RB1: variants seen among roughly 807,000 people sequenced by gnomAD.
RB1 encodes the protein RB transcriptional corepressor 1.
In RB1, 18 loss-of-function variants were observed where a neutral mutation model predicts 135.4. The ratio of observed to expected loss-of-function variants is 0.13; its 90% CI spans 0.09 to 0.20. The LOEUF is 0.20. Ranked by LOEUF, RB1 falls within the 10% of genes least tolerant of loss-of-function variation. The pLI, the probability that RB1 is intolerant of heterozygous loss-of-function variation, is 1.00. For synonymous variants in RB1, 365 were observed against 373.2 expected (o/e 0.98, Z 0.25); for missense variants, 868 against 1,110.0 (o/e 0.78, Z 3.10).
rs1952601863 is a variant in RB1, at chr13:48,357,341, A to G, written c.608-2676A>G. Among the ~76,000 whole-genome samples, 12 of 151,386 alleles carry G rather than the reference A, an allele frequency of 7.9e-5. No individual in the cohort carries two copies. The South Asian group carries it at 2.3e-3, about 29-fold the overall frequency. On this transcript the variant is annotated intron_variant, in intron 6 of 26. Coordinates refer to ENST00000267163, the MANE Select transcript of RB1 (RefSeq NM_000321.3). The stretch of plus-strand genomic sequence containing the variant: ...TATCTCAAGCATTTTTTCCATTTTG[A>G]GCTAAACTATTTTTGTAATGGTGTT...
In RB1 at chr13:48,465,604, C is replaced by T. The variant is rs957654820; in HGVS notation, c.2489+236C>T. ...TCCGGTCTACAGCTCCCAGCGTGAG[C>T]GACGCAGAAGACGGGTGATTTCTGC... On this transcript the variant is annotated intron_variant, in intron 23 of 26. Coordinates refer to ENST00000267163, the MANE Select transcript of RB1 (RefSeq NM_000321.3). Among the ~76,000 whole-genome samples the T allele has an allele frequency of 9.3e-4, 142 of 152,130 alleles. 1 individual carries two copies. The highest frequency in any genetic ancestry group is 3.3e-3 in the African/African-American group (135 of 41,508).
intron 19 of RB1, 65 bp downstream of exon 19, chr13:48,456,414 T>A (rs2138331969): frequency 1.3e-6 from 2 of 1,576,738 alleles, no homozygotes; most frequent in Non-Finnish European, 1.7e-6. Flanking sequence ...TCAAATCATG[T>A]TTCTTCTACT....
chr13:48,345,843 A>AGGGAGAAGG (rs1466110410), intron 4 of RB1, among the ~76,000 whole-genome samples: 3 of 152,188 alleles, frequency 2.0e-5, no homozygotes, highest in Non-Finnish European at 4.4e-5. Flanking sequence ...ATTGTGTAAT[A>AGGGAGAAGG]GCATGGTAAA....
intron 21 of RB1, among the ~76,000 whole-genome samples, 167 bp downstream of exon 21, chr13:48,464,002 T>C (rs894973666): frequency 2.0e-5 from 3 of 152,128 alleles, no homozygotes; most frequent in Non-Finnish European, 2.9e-5. Context: ...GTAACTTAAA[T>C]AGAATTGGAA....
intron 17 of RB1, among the ~76,000 whole-genome samples, chr13:48,421,581 A>G (rs566007517): frequency 3.3e-5 from 5 of 152,302 alleles, no homozygotes; most frequent in African/African-American, 7.2e-5. Context: ...TGAACAGGCA[A>G]CCTACAGAAT....
chr13:48,345,780 AT>A (rs1952488315), intron 4 of RB1, among the ~76,000 whole-genome samples: 2 of 152,146 alleles, frequency 1.3e-5, no homozygotes, highest in African/African-American at 4.8e-5. Flanking sequence ...TTTGAGGCTC[AT>A]TTCATTTGCG....
intron 17 of RB1, among the ~76,000 whole-genome samples, chr13:48,432,141 A>AAT (rs1949136514): frequency 6.6e-6 from 1 of 152,150 alleles, no homozygotes; most frequent in African/African-American, 2.4e-5. Flanking sequence ...AGGCCTTGCT[A>AAT]ATAAGGGGAC....
intron 2 of RB1, chr13:48,328,471 G>A (rs1320201464): frequency 3.9e-5 from 35 of 904,546 alleles, no homozygotes; most frequent in Admixed American, 2.2e-4. Context: ...GCTTCTCAGC[G>A]CTGCGGCTGG....
chr13:48,399,635 GACA>G (rs776929667), intron 17 of RB1, among the ~76,000 whole-genome samples: 3 of 151,876 alleles, frequency 2.0e-5, no homozygotes, highest in Non-Finnish European at 2.9e-5. Context: ...TGTTAAAAAG[GACA>G]ACAATAAGAA....
At chr13:48,391,721 C>G (rs537359063) in intron 17 of RB1, among the ~76,000 whole-genome samples, 1 of 152,006 alleles carries the variant, frequency 6.6e-6, no homozygotes, top group East Asian at 1.9e-4. Flanking sequence ...TGGGTTCAAG[C>G]GATTCTCCTG....
rs116808604 is a variant in RB1, at chr13:48,318,035, G to A, written c.264+10629G>A. 552 of 520,052 alleles carry A rather than the reference G, an allele frequency of 1.1e-3. 1 individual carries two copies. Among genetic ancestry groups the A allele is most frequent in the African/African-American group, 9.6e-3 (504 of 52,410 alleles). 32.2% of individuals were successfully genotyped at this position (520,052 alleles called of 1,614,324 possible). On this transcript the variant is annotated intron_variant, in intron 2 of 26. Transcript: ENST00000267163. ...GTCGTCAGACAGGGAGCCGGGGCTG[G>A]GAGCTGGGCCCTGGCATTCCCTGGG...
At chr13:48,323,355 TTAG>T (rs1199040334) in intron 2 of RB1, among the ~76,000 whole-genome samples, 1 of 151,974 alleles carries the variant, frequency 6.6e-6, no homozygotes, top group Non-Finnish European at 1.5e-5. Context: ...TTCTGTAAGG[TTAG>T]TAGTAATTTT....
intron 20 of RB1, among the ~76,000 whole-genome samples, chr13:48,462,060 T>C (rs1949409294): frequency 6.6e-6 from 1 of 152,190 alleles, no homozygotes; most frequent in Non-Finnish European, 1.5e-5. Context: ...CTCGAACTCC[T>C]GACCTTGTGT....
At chr13:48,314,507 C>A (rs984111748) in intron 2 of RB1, among the ~76,000 whole-genome samples, 1 of 151,946 alleles carries the variant, frequency 6.6e-6, no homozygotes, top group Non-Finnish European at 1.5e-5. Flanking sequence ...TGGATAAGAG[C>A]AGCTAAAATC....
intron 6 of RB1, 142 bp from the exon 7 acceptor site, chr13:48,359,875 C>CAAAAAAAAAA: frequency 9.0e-7 from 1 of 1,110,224 alleles, no homozygotes; most frequent in Non-Finnish European, 1.2e-6. Context: ...TTTTTTTTTA[C>CAAAAAAAAAA]AAAAAAAAGA....
intron 2 of RB1, among the ~76,000 whole-genome samples, chr13:48,316,123 G>A (rs1400141664): frequency 6.6e-6 from 1 of 152,302 alleles, no homozygotes; most frequent in South Asian, 2.1e-4. Context: ...GAGCTGCAGA[G>A]CAGCCGCTGA....
At chr13:48,382,281 G>A (rs192932831) in intron 17 of RB1, among the ~76,000 whole-genome samples, 5 of 151,504 alleles carry the variant, frequency 3.3e-5, no homozygotes, top group Admixed American at 6.6e-5. Flanking sequence ...TTGAGGAATC[G>A]CCACACTGTT....
chr13:48,373,439 A>C lies in RB1; in HGVS notation c.1162A>C (p.Ile388Leu). Residue 388 changes from isoleucine to leucine, a missense_variant, in exon 12 of 27, where the codon ATT (isoleucine) becomes CTT (leucine). Ile to Leu is a conservative substitution (Grantham distance 5). Transcript: ENST00000267163. Reference protein sequence around the residue: ...VMNTIQQLMMILNSASDQPSE... With the variant: ...VMNTIQQLMMLLNSASDQPSE... ...GAACACTATCCAACAATTAATGATG[A>C]TTTTAAATTCAGCAAGTGATCAACC... 2 of 1,598,828 alleles carry C rather than the reference A, an allele frequency of 1.3e-6. No homozygotes were observed. The highest frequency in any genetic ancestry group is 2.2e-5 in the South Asian group (2 of 90,644).
intron 17 of RB1, among the ~76,000 whole-genome samples, chr13:48,404,889 A>AT (rs1593472953): frequency 1.3e-5 from 2 of 152,260 alleles, no homozygotes; most frequent in Admixed American, 6.5e-5. Context: ...AAAGTAAGCT[A>AT]TTTTAGGGGA....
Sources: allele counts gnomAD v4.1 joint callset (sites outside exome capture counted in the v4.1 genomes callset), GRCh38; gene constraint gnomAD v4.1.1; transcripts MANE v1.5; gene names NCBI Gene and HGNC (gene_info 2026-07-23, HGNC 2026-07-21).